Variants in ASTN2 observed in about 807,000 individuals in gnomAD.
ASTN2 encodes the protein astrotactin-2.
ASTN2 carries 54 observed loss-of-function variants against 139.8 expected under a neutral mutation model. The observed-to-expected ratio is 0.39, with a 90% confidence interval of 0.31 to 0.48. The LOEUF (loss-of-function observed/expected upper bound fraction) is 0.48. ASTN2 is among the 20% of genes least tolerant of loss of function. The pLI is 0.95. For synonymous variants in ASTN2, 756 were observed against 719.5 expected, an observed-to-expected ratio of 1.05 and a Z score of -0.81; for missense variants, 1,565 against 1,725.1, an observed-to-expected ratio of 0.91 and a Z score of 1.64.
intron 16 of ASTN2, among the ~76,000 whole-genome samples, chr9:116,672,311 A>T (rs1291421078): frequency 6.6e-6 from 1 of 151,858 alleles, no homozygotes; most frequent in African/African-American, 2.4e-5. Flanking sequence ...GGCTGCAGTG[A>T]GCTGAGATCA....
intron 3 of ASTN2, among the ~76,000 whole-genome samples, chr9:117,157,471 C>T (rs1439625721): frequency 1.3e-5 from 2 of 151,858 alleles, no homozygotes; most frequent in South Asian, 2.1e-4. Flanking sequence ...ATGAATTCTT[C>T]AATTAACTTA....
intron 2 of ASTN2, among the ~76,000 whole-genome samples, chr9:117,258,016 C>T (rs1315091923): frequency 6.6e-6 from 1 of 152,120 alleles, no homozygotes; most frequent in African/African-American, 2.4e-5. Flanking sequence ...GCTCAAGATG[C>T]CAGCTTGGCA....
chr9:116,504,978 T>C (rs1190578689), intron 19 of ASTN2, among the ~76,000 whole-genome samples: 2 of 150,406 alleles, frequency 1.3e-5, no homozygotes, highest in Admixed American at 1.3e-4. Flanking sequence ...AATGAGTATA[T>C]CAAGATTCAG....
At chr9:116,635,161 T>C (rs1857013361) in intron 17 of ASTN2, among the ~76,000 whole-genome samples, 1 of 152,234 alleles carries the variant, frequency 6.6e-6, no homozygotes, top group South Asian at 2.1e-4. Context: ...TAAGTCTATC[T>C]GATTCAAGTA....
chr9:117,021,675 C>G (rs535956211), intron 6 of ASTN2, among the ~76,000 whole-genome samples: 6 of 152,114 alleles, frequency 3.9e-5, no homozygotes, highest in Non-Finnish European at 7.4e-5. Flanking sequence ...ATGCCACTAA[C>G]TAACCAAATG....
At chr9:116,589,031 A>G (rs1458468719) in intron 19 of ASTN2, among the ~76,000 whole-genome samples, 3 of 152,202 alleles carry the variant, frequency 2.0e-5, no homozygotes, top group Non-Finnish European at 4.4e-5. Context: ...AATAATCCCA[A>G]TAATTAGCAA....
At chr9:117,280,398 T>C (rs1212998132) in intron 2 of ASTN2, among the ~76,000 whole-genome samples, 1 of 152,168 alleles carries the variant, frequency 6.6e-6, no homozygotes, top group Non-Finnish European at 1.5e-5. Flanking sequence ...AAAAAGGGTC[T>C]TTGCAGATGT....
chr9:117,145,291 A>G (rs1337186369), intron 3 of ASTN2, among the ~76,000 whole-genome samples: 1 of 152,122 alleles, frequency 6.6e-6, no homozygotes, highest in Non-Finnish European at 1.5e-5. Context: ...GGCTGAGAAC[A>G]TGAGCTTCTG....
chr9:116,963,635 AT>A (rs983547043), intron 10 of ASTN2, among the ~76,000 whole-genome samples: 5 of 152,140 alleles, frequency 3.3e-5, no homozygotes, highest in Admixed American at 3.3e-4. Context: ...AGGCATGACC[AT>A]TTTTGAGGAT....
intron 4 of ASTN2, among the ~76,000 whole-genome samples, chr9:117,107,985 A>G (rs549715974): frequency 6.6e-6 from 1 of 152,316 alleles, no homozygotes; most frequent in East Asian, 1.9e-4. Context: ...GAAAAGGAGC[A>G]GGAGGTAAGA....
At chr9:116,800,896 G>A (rs1449859911) in intron 13 of ASTN2, among the ~76,000 whole-genome samples, 1 of 152,182 alleles carries the variant, frequency 6.6e-6, no homozygotes, top group Middle Eastern at 3.2e-3. Flanking sequence ...AATCTGGGTT[G>A]CTCTTTCAGA....
chr9:117,014,713 A>G (rs1336657134), intron 6 of ASTN2, among the ~76,000 whole-genome samples: 3 of 152,078 alleles, frequency 2.0e-5, no homozygotes, highest in Non-Finnish European at 4.4e-5. Flanking sequence ...ATTCAGGTTA[A>G]ATGAGGTCAT....
At chr9:116,543,556 A>G (rs1242862794) in intron 19 of ASTN2, 2 of 152,202 alleles carry the variant, frequency 1.3e-5, no homozygotes, top group Admixed American at 1.3e-4. Flanking sequence ...GGAGTTCCAC[A>G]AGGTAAAATA....
intron 16 of ASTN2, among the ~76,000 whole-genome samples, chr9:116,725,141 A>G (rs995995402): frequency 6.6e-6 from 1 of 152,198 alleles, no homozygotes; most frequent in Admixed American, 6.5e-5. Context: ...GGAAGAGAAA[A>G]TTGAGGTGGA....
intron 2 of ASTN2, among the ~76,000 whole-genome samples, chr9:117,268,346 G>A (rs945038776): frequency 6.6e-6 from 1 of 152,144 alleles, no homozygotes; most frequent in East Asian, 1.9e-4. Flanking sequence ...TGACCCCAGG[G>A]ACTTACCAGC....
intron 19 of ASTN2, among the ~76,000 whole-genome samples, chr9:116,505,420 T>C (rs114233836): frequency 0.011 from 1,723 of 152,208 alleles, 45 homozygotes; most frequent in African/African-American, 0.04. Flanking sequence ...TTAGAATTTA[T>C]TTTTTAAGAA....
At chr9:116,498,626 T>A (rs1849751756) in intron 19 of ASTN2, among the ~76,000 whole-genome samples, 1 of 152,004 alleles carries the variant, frequency 6.6e-6, no homozygotes, top group South Asian at 2.1e-4. Flanking sequence ...TGTCAGTATC[T>A]ACTCTACAAG....
chr9:117,123,787 C>T (rs750910273), intron 4 of ASTN2, among the ~76,000 whole-genome samples: 1 of 152,140 alleles, frequency 6.6e-6, no homozygotes, highest in Admixed American at 6.5e-5. Flanking sequence ...TCTCCTCAGC[C>T]CTCTTCTCCA....
chr9:117,101,072 A>G (rs1347490104), intron 4 of ASTN2, among the ~76,000 whole-genome samples: 3 of 152,198 alleles, frequency 2.0e-5, no homozygotes, highest in Non-Finnish European at 1.5e-5. Flanking sequence ...CTGCACAAAG[A>G]CCAAGAAGTG....
Sources: gnomAD v4.1 joint callset for allele counts (sites outside exome capture counted in the v4.1 genomes callset) on GRCh38, gnomAD v4.1.1 for gene constraint, MANE v1.5 for transcripts, NCBI Gene and HGNC (gene_info 2026-07-23, HGNC 2026-07-21) for gene names.